Variants in HIVEP3 observed in about 807,000 individuals in gnomAD.
The protein encoded by HIVEP3 is HIVEP zinc finger 3, also known as transcription factor HIVEP3.
Under a neutral mutation model 152.8 loss-of-function variants are expected in HIVEP3, and 49 were observed. The observed-to-expected ratio is 0.32, with a 90% confidence interval of 0.26 to 0.41. The LOEUF is 0.41. Ranked by LOEUF, HIVEP3 falls within the 10% of genes least tolerant of loss-of-function variation. The pLI is 1.00. For synonymous variants in HIVEP3, 1,269 were observed against 1,289.0 expected (o/e 0.98, Z 0.33); for missense variants, 2,790 against 3,103.3 (o/e 0.90, Z 2.40).
At chr1:41,673,800 C>T (rs1218996193) in intron 2 of HIVEP3, among the ~76,000 whole-genome samples, 2 of 152,086 alleles carry the variant, frequency 1.3e-5, no homozygotes, top group South Asian at 2.1e-4. Flanking sequence ...TGGGAAAAAC[C>T]AAACCATCAG....
intron 1 of HIVEP3, among the ~76,000 whole-genome samples, chr1:41,935,332 C>A (rs1477404827): frequency 6.6e-6 from 1 of 152,188 alleles, no homozygotes; most frequent in African/African-American, 2.4e-5. Context: ...TTACTTTTAA[C>A]TTCTGAGTCA....
intron 2 of HIVEP3, among the ~76,000 whole-genome samples, chr1:41,691,016 G>A (rs867259469): frequency 2.0e-5 from 3 of 152,190 alleles, no homozygotes; most frequent in Non-Finnish European, 2.9e-5. Context: ...GTGACCTTGG[G>A]CAAGTTATCT....
chr1:41,973,545 A>G (rs984766529), intron 1 of HIVEP3, among the ~76,000 whole-genome samples: 3 of 152,258 alleles, frequency 2.0e-5, no homozygotes, highest in Admixed American at 6.5e-5. Flanking sequence ...CAATGGAAAG[A>G]GAAAGAGAGA....
At chr1:41,999,056 G>C (rs12057344) in intron 1 of HIVEP3, among the ~76,000 whole-genome samples, 6,591 of 151,404 alleles carry the variant, frequency 0.044, 447 homozygotes, top group African/African-American at 0.15. Context: ...CCACTACACT[G>C]AACTAATTTT....
chr1:41,579,110 G>A (rs924159963), intron 4 of HIVEP3, among the ~76,000 whole-genome samples: 4 of 152,182 alleles, frequency 2.6e-5, no homozygotes, highest in Non-Finnish European at 5.9e-5. Flanking sequence ...TCTTGACCAC[G>A]TAGCACAAAT....
At position 41,632,048 on chromosome 1, in the gene HIVEP3, C is replaced by T. The variant is rs1227336304; in HGVS notation, c.-720-3101G>A. Among the ~76,000 whole-genome samples, 3 of 152,154 alleles carry T rather than the reference C, an allele frequency of 2.0e-5. No individual in the cohort carries two copies. In the East Asian group the frequency reaches 5.8e-4, roughly 29 times the overall value. On this transcript the variant is annotated intron_variant, in intron 2 of 8. Transcript: ENST00000372583. ...CCATAAAACTGGACCTAAGTTCTGC[C>T]TCTCCAGAATACCCCAAGCACATTT...
chr1:41,973,046 GCACACACACACA>G lies in HIVEP3; in HGVS notation n.120-54534_120-54523del, dbSNP rs61424124. On this transcript the variant is annotated intron_variant and non_coding_transcript_variant, in intron 1 of 3. Transcript: ENST00000489103. ...AGCAAAGTAGAAACCACATGTGCGT[GCACACACACACA>G]CACACACACACACACAATTATGAAA... Among the ~76,000 whole-genome samples the G allele has an allele frequency of 6.5e-4, 95 of 147,216 alleles. 1 individual carries two copies. The highest frequency in any genetic ancestry group is 1.8e-4 in the Non-Finnish European group (12 of 66,428).
At chr1:41,859,751 C>T (rs1643864103) in intron 1 of HIVEP3, among the ~76,000 whole-genome samples, 2 of 152,228 alleles carry the variant, frequency 1.3e-5, no homozygotes, top group Non-Finnish European at 1.5e-5. Flanking sequence ...AAAGAACAAC[C>T]TTTCATTGTT....
rs80100618 is a variant in HIVEP3 at position 41,839,785 on chromosome 1, C to T, written c.-801+78628G>A. On this transcript the variant is annotated intron_variant, in intron 1 of 8. Coordinates refer to ENST00000372583, the MANE Select transcript of HIVEP3 (RefSeq NM_024503.5). ...CTAATCAAGGAGGGAAACAGAGTAACGGTCTACCTTGCTTAGCCTTGTAAG... is the reference window on the plus strand; with the variant it reads ...CTAATCAAGGAGGGAAACAGAGTAATGGTCTACCTTGCTTAGCCTTGTAAG... Among the ~76,000 whole-genome samples the T allele has an allele frequency of 4.0e-3, 604 of 152,306 alleles. 4 individuals are homozygous for T. The highest frequency in any genetic ancestry group is 0.014 in the African/African-American group (570 of 41,560).
At chr1:41,571,424 A>G (rs1046205104) in intron 5 of HIVEP3, among the ~76,000 whole-genome samples, 1 of 152,226 alleles carries the variant, frequency 6.6e-6, no homozygotes, top group African/African-American at 2.4e-5. Context: ...GAGAGCCATC[A>G]CATCCCTGAT....
chr1:41,651,157 C>T (rs1159149348), intron 2 of HIVEP3, among the ~76,000 whole-genome samples: 1 of 152,120 alleles, frequency 6.6e-6, no homozygotes, highest in Non-Finnish European at 1.5e-5. Flanking sequence ...TACCTGTAAT[C>T]CCAGCACTTT....
chr1:41,846,565 T>A (rs1166802308), intron 1 of HIVEP3, among the ~76,000 whole-genome samples: 1 of 152,230 alleles, frequency 6.6e-6, no homozygotes, highest in African/African-American at 2.4e-5. Flanking sequence ...CCTGAACGTG[T>A]TCGCTGTGAG....
intron 1 of HIVEP3, among the ~76,000 whole-genome samples, chr1:41,957,370 T>C (rs535862430): frequency 9.8e-5 from 15 of 152,338 alleles, no homozygotes; most frequent in Non-Finnish European, 1.9e-4. Context: ...TAGGGGTTAG[T>C]TTCTCATCAA....
In HIVEP3 at chr1:41,662,312, T is replaced by TGGGCGCGGGGC. The variant is rs1400708731; in HGVS notation, c.-720-33376_-720-33366dup. ...CGCTGGCGGCCCACGCGGCGCGGGG[T>TGGGCGCGGGGC]GGGCGCGGGGCGGGCTGGCGGGCGG... On this transcript the variant is annotated intron_variant, in intron 2 of 8. Coordinates refer to ENST00000372583, the MANE Select transcript of HIVEP3 (RefSeq NM_024503.5). This position sits in a 1 kb window ranked among gnomAD's most constrained non-coding sequence, Gnocchi z 7.2. 7.0e-6 allele frequency: 1 copy of TGGGCGCGGGGC among 143,356 alleles called. No individual in the cohort carries two copies. The highest frequency in any genetic ancestry group is 1.5e-5 in the Non-Finnish European group (1 of 65,024). The allele number at this position is 143,356 out of a possible 1,614,324, so 8.9% of individuals were successfully genotyped here.
intron 4 of HIVEP3, among the ~76,000 whole-genome samples, chr1:41,578,308 G>C (rs1005221932): frequency 6.6e-6 from 1 of 152,192 alleles, no homozygotes; most frequent in East Asian, 1.9e-4. Flanking sequence ...ACAGCATCTT[G>C]GGAGTGGCCA....
chr1:41,838,167 A>C (rs974084363), intron 1 of HIVEP3, among the ~76,000 whole-genome samples: 1 of 152,178 alleles, frequency 6.6e-6, no homozygotes, highest in African/African-American at 2.4e-5. Flanking sequence ...AGTTGTAAAA[A>C]ATAATACAAA....
chr1:41,527,803 A>AT (rs1643047400), intron 5 of HIVEP3, among the ~76,000 whole-genome samples: 1 of 87,168 alleles, frequency 1.1e-5, no homozygotes, highest in African/African-American at 4.7e-5. Flanking sequence ...CACACTCTAC[A>AT]CCCTACCCTC....
At chr1:41,946,350 G>A (rs1281208817) in intron 1 of HIVEP3, among the ~76,000 whole-genome samples, 4 of 152,090 alleles carry the variant, frequency 2.6e-5, no homozygotes, top group Non-Finnish European at 2.9e-5. Context: ...TCAGAGCCCC[G>A]GGTATGTTTG....
intron 1 of HIVEP3, among the ~76,000 whole-genome samples, chr1:41,864,914 C>A (rs12734651): frequency 0.28 from 42,830 of 152,184 alleles, 6,684 homozygotes; most frequent in East Asian, 0.55. Context: ...TAAGCAGATT[C>A]TCTTCACAGA....
Sources: gnomAD v4.1 joint callset for allele counts (sites outside exome capture counted in the v4.1 genomes callset) on GRCh38, gnomAD v4.1.1 for gene constraint, Gnocchi (gnomAD v3.1) non-coding constraint, MANE v1.5 for transcripts, NCBI Gene and HGNC (gene_info 2026-07-23, HGNC 2026-07-21) for gene names.